POLR2F: variants seen among roughly 807,000 people sequenced by gnomAD.
POLR2F encodes the protein DNA-directed RNA polymerases I, II, and III subunit RPABC2.
Under a neutral mutation model 22.7 loss-of-function variants are expected in POLR2F, and 12 were observed. The ratio of observed to expected loss-of-function variants is 0.53; its 90% CI spans 0.34 to 0.86. The LOEUF is 0.86. POLR2F is among the 40% of genes least tolerant of loss of function. POLR2F has a pLI of 0.02. For synonymous variants in POLR2F, 57 were observed against 66.0 expected, an observed-to-expected ratio of 0.86 and a Z score of 0.66; for missense variants, 126 against 171.5, an observed-to-expected ratio of 0.73 and a Z score of 1.48.
chr22:37,968,725 C>T lies in POLR2F; in HGVS notation c.*1010C>T. 1 of 985,460 alleles carries T rather than the reference C, an allele frequency of 1.0e-6. No homozygotes were observed. Among genetic ancestry groups the T allele is most frequent in the Non-Finnish European group, 1.2e-6 (1 of 829,948 alleles). The allele number at this position is 985,460 out of a possible 1,614,324, so 61.0% of individuals were successfully genotyped here. ...GGCTCCCTGAATATGCCAGCCTTAA[C>T]CTCCATTCCACTGCCAGCTCCCCTT... is the stretch of plus-strand genomic sequence containing the variant. On this transcript the variant is annotated 3_prime_UTR_variant, in exon 5 of 5. Coordinates refer to ENST00000442738, the MANE Select transcript of POLR2F (RefSeq NM_021974.5).
At position 37,967,814 on chromosome 22, in the gene POLR2F, C is replaced by G; in HGVS notation, c.*99C>G. The G allele has an allele frequency of 6.8e-7, 1 of 1,481,466 alleles. No individual in the cohort carries two copies. Among genetic ancestry groups the G allele is most frequent in the Non-Finnish European group, 8.9e-7 (1 of 1,118,996 alleles). The allele number at this position is 1,481,466 out of a possible 1,614,324, so 91.8% of individuals were successfully genotyped here. ...TTCAACTTTCCAACCCCCTTCCCCT[C>G]TGCTTATCTGCAATGTCACCACCTG... On this transcript the variant is annotated 3_prime_UTR_variant, in exon 5 of 5. Coordinates refer to ENST00000442738, the MANE Select transcript of POLR2F (RefSeq NM_021974.5).
intron 1 of POLR2F, among the ~76,000 whole-genome samples, chr22:37,955,836 C>T (rs1227005956): frequency 2.6e-5 from 4 of 151,674 alleles, no homozygotes; most frequent in Non-Finnish European, 5.9e-5. Context: ...GCGCCCACCA[C>T]CACACCCGGC....
At chr22:38,025,255 A>G (rs568006980) in intron 1 of POLR2F, among the ~76,000 whole-genome samples, 19 of 152,166 alleles carry the variant, frequency 1.2e-4, no homozygotes, top group African/African-American at 4.6e-4. Context: ...ACACACACAC[A>G]GGCACTCATG....
At chr22:38,002,656 G>A (rs1283266279) in intron 1 of POLR2F, among the ~76,000 whole-genome samples, 1 of 152,236 alleles carries the variant, frequency 6.6e-6, no homozygotes, top group Admixed American at 6.5e-5. Context: ...CCCGGTGGAG[G>A]TGATGTTTGG....
At chr22:37,985,341 C>T (rs1932538565), upstream of POLR2F, 1 of 152,114 alleles carries the variant, frequency 6.6e-6, no homozygotes, top group East Asian at 1.9e-4. Flanking sequence ...GTAGGGGAGT[C>T]CTAGTCCTGA....
intron 4 of POLR2F, among the ~76,000 whole-genome samples, chr22:37,976,020 C>A (rs188287422): frequency 6.6e-6 from 1 of 151,964 alleles, no homozygotes; most frequent in Non-Finnish European, 1.5e-5. Context: ...GTCAGGAATT[C>A]GAGACCAGCC....
intron 1 of POLR2F, among the ~76,000 whole-genome samples, chr22:38,012,753 G>T (rs2084882471): frequency 6.6e-6 from 1 of 152,154 alleles, no homozygotes; most frequent in African/African-American, 2.4e-5. Flanking sequence ...CAGGCATTTT[G>T]TACCATGTCC....
chr22:38,032,795 G>T (rs1419765465), intron 5 of POLR2F: 1 of 153,056 alleles, frequency 6.5e-6, no homozygotes, highest in African/African-American at 2.4e-5. Flanking sequence ...TGCGGAGAGG[G>T]TGCTTCAGCA....
In POLR2F at chr22:38,004,178, TGG is replaced by T. The variant is rs139899; in HGVS notation, c.120+17873_120+17874del. The stretch of plus-strand genomic sequence containing the variant: ...TAATTTTTATTCTTTTGTAGAGATG[TGG>T]GGGGGGTCTCACTATATTGCTCAGG... On this transcript the variant is annotated intron_variant, in intron 1 of 2. Coordinates refer to the POLR2F transcript ENST00000333418. Among the ~76,000 whole-genome samples the T allele has an allele frequency of 9.7e-3, 1,470 of 151,680 alleles. 27 individuals are homozygous for T. Among genetic ancestry groups the T allele is most frequent in the African/African-American group, 0.034 (1,423 of 41,334 alleles).
At chr22:38,024,478 T>G (rs1477428334) in intron 1 of POLR2F, among the ~76,000 whole-genome samples, 3 of 152,212 alleles carry the variant, frequency 2.0e-5, no homozygotes, top group Non-Finnish European at 4.4e-5. Flanking sequence ...CAAGTTTTCC[T>G]TGGTTTTCGG....
chr22:38,028,208 A>G (rs2085032155), downstream of POLR2F, among the ~76,000 whole-genome samples: 1 of 152,270 alleles, frequency 6.6e-6, no homozygotes, highest in South Asian at 2.1e-4. Flanking sequence ...GGAGGAGGTC[A>G]CCACATGAGA....
intron 1 of POLR2F, among the ~76,000 whole-genome samples, chr22:37,995,672 G>A (rs1371198251): frequency 6.6e-6 from 1 of 152,018 alleles, no homozygotes; most frequent in Non-Finnish European, 1.5e-5. Flanking sequence ...GGACAGAATG[G>A]GGGGTAAAAA....
In POLR2F at chr22:37,966,455, C is replaced by T. The variant is rs367902746; in HGVS notation, c.222-644C>T. Reference sequence around the variant, plus strand: ...GGGCTGGGCAGGAAGGGCAGGGCCTCTACTGAGGTGTTGTGTCTATAGAGA... The same window carrying T: ...GGGCTGGGCAGGAAGGGCAGGGCCTTTACTGAGGTGTTGTGTCTATAGAGA... On this transcript the variant is annotated intron_variant, in intron 3 of 4. Transcript: ENST00000442738. Among the ~76,000 whole-genome samples, 11 of 152,034 alleles carry T rather than the reference C, an allele frequency of 7.2e-5. No homozygotes were observed. In the East Asian group the frequency reaches 1.7e-3, roughly 24 times the overall value.
downstream of POLR2F, chr22:37,971,112 C>T (rs1932037433): frequency 2.5e-6 from 1 of 397,758 alleles, no homozygotes; most frequent in South Asian, 1.9e-5. Context: ...AGGAAGGGAG[C>T]TGAGGATGCC....
At chr22:37,971,988 G>A, downstream of POLR2F, among the ~76,000 whole-genome samples, 1 of 150,972 alleles carries the variant, frequency 6.6e-6, no homozygotes, top group Non-Finnish European at 1.5e-5. Context: ...GATGCCAGCT[G>A]TCCTAACACT....
downstream of POLR2F, among the ~76,000 whole-genome samples, chr22:38,027,027 G>A (rs1246282569): frequency 5.9e-5 from 9 of 152,182 alleles, no homozygotes; most frequent in South Asian, 2.1e-4. Context: ...TGTGGCCCGG[G>A]TGGCGAGGCT....
chr22:37,960,460 C>G (rs546429292), intron 3 of POLR2F, among the ~76,000 whole-genome samples: 1 of 151,654 alleles, frequency 6.6e-6, no homozygotes, highest in Non-Finnish European at 1.5e-5. Flanking sequence ...TGCAGTGGCG[C>G]GTTCTCCGCT....
downstream of POLR2F, chr22:38,041,298 CAGGTGACCAGGTGGAAGGTCAT>C: frequency 1.4e-6 from 1 of 713,524 alleles, no homozygotes; most frequent in East Asian, 2.7e-5. Context: ...GTTTCTGGCC[CAGGTGACCAGGTGGAAGGTCAT>C]TCCATCTCCT....
rs1375469216 is a variant in POLR2F, at chr22:38,017,400, C to T, written c.121-8469C>T. Among the ~76,000 whole-genome samples, 1 of 152,134 alleles carries T rather than the reference C, an allele frequency of 6.6e-6. No homozygotes were observed. Among genetic ancestry groups the T allele is most frequent in the Non-Finnish European group, 1.5e-5 (1 of 68,034 alleles). On this transcript the variant is annotated intron_variant, in intron 1 of 2. Transcript: ENST00000333418. This position sits in a 1 kb window ranked among gnomAD's most constrained non-coding sequence, Gnocchi z 4.1. ...CTCCCAGCTGGGCCTGGTCCAGATGCGGGGGCAGGAGCTGAAAAAGAACCT... is the reference window on the plus strand; with the variant it reads ...CTCCCAGCTGGGCCTGGTCCAGATGTGGGGGCAGGAGCTGAAAAAGAACCT...
Sources: allele counts gnomAD v4.1 joint callset (sites outside exome capture counted in the v4.1 genomes callset), GRCh38; gene constraint gnomAD v4.1.1; non-coding constraint Gnocchi (gnomAD v3.1); transcripts MANE v1.5; gene names NCBI Gene and HGNC (gene_info 2026-07-23, HGNC 2026-07-21).